MAN2B1: variants seen among roughly 807,000 people sequenced by gnomAD.
MAN2B1 encodes mannosidase alpha class 2B member 1.
Under a neutral mutation model 127.5 loss-of-function variants are expected in MAN2B1, and 99 were observed. The ratio of observed to expected loss-of-function variants is 0.78; its 90% CI spans 0.66 to 0.92. The LOEUF (loss-of-function observed/expected upper bound fraction) is 0.92, where lower values mean the gene tolerates loss of function less well. Among genes scored for constraint, MAN2B1 ranks in the 40% least tolerant of loss-of-function variants. The pLI, the probability that MAN2B1 is intolerant of heterozygous loss-of-function variation, is 0.00. For synonymous variants in MAN2B1, 573 were observed against 568.8 expected (o/e 1.01, Z -0.11); for missense variants, 1,304 against 1,384.8 (o/e 0.94, Z 0.93).
intron 16 of MAN2B1, among the ~76,000 whole-genome samples, chr19:12,650,673 T>C (rs1205040122): frequency 6.7e-6 from 1 of 149,826 alleles, no homozygotes. Flanking sequence ...AATTCTTTTT[T>C]CTTTTTTTTT....
In MAN2B1 at chr19:12,649,188, G is replaced by C. The variant is rs778543070; in HGVS notation, c.2384C>G (p.Thr795Ser). Reference sequence around the variant, plus strand: ...GCTGCTGCCCCCCTGGGAGCGGTCAGTCAGCACAGTCAGCTGCATGTTTCC... The same window carrying C: ...GCTGCTGCCCCCCTGGGAGCGGTCACTCAGCACAGTCAGCTGCATGTTTCC... Reference protein sequence around the residue: ...TDGNMQLTVLTDRSQGGSSLR... With the variant: ...TDGNMQLTVLSDRSQGGSSLR... The change falls in exon 20 of 24, where the codon ACT becomes AGT. Residue 795 changes from threonine to serine, a missense_variant. Thr to Ser is a moderately conservative substitution (Grantham distance 58). Coordinates refer to ENST00000456935, the MANE Select transcript of MAN2B1 (RefSeq NM_000528.4). 2 of 1,613,200 alleles carry C rather than the reference G, an allele frequency of 1.2e-6. No homozygotes were observed. Among genetic ancestry groups the C allele is most frequent in the Non-Finnish European group, 1.7e-6 (2 of 1,180,014 alleles).
intron 4 of MAN2B1, 39 bp from the exon 5 acceptor site, chr19:12,663,874 C>T (rs770117045): frequency 1.9e-6 from 3 of 1,613,564 alleles, no homozygotes; most frequent in South Asian, 2.2e-5. Context: ...GAATTAGTGC[C>T]CAGCCCTCTC....
chr19:12,652,393 A>G lies in MAN2B1; in HGVS notation c.1898T>C (p.Leu633Pro). The G allele has an allele frequency of 2.5e-6, 4 of 1,614,120 alleles. No individual in the cohort carries two copies. In the East Asian group the frequency reaches 8.9e-5, roughly 36 times the overall value. ...LMEIMNMNQQ[L>P]LLPVRQTFFW... ...GAAGGTCTGGCGAACAGGCAGCAGG[A>G]GTTGCTGATTCATGTTCATAATCTC... The change falls in exon 15 of 24, where the codon CTC becomes CCC. Residue 633 changes from leucine to proline, a missense_variant. Physicochemically the swap from Leu to Pro is moderately conservative, Grantham distance 98. Coordinates refer to ENST00000456935, the MANE Select transcript of MAN2B1 (RefSeq NM_000528.4).
rs1229247682 is a variant in MAN2B1 at position 12,647,906 on chromosome 19, G to A, written c.2664+269C>T. 6.6e-6 allele frequency among the ~76,000 whole-genome samples: 1 copy of A among 151,844 alleles called. No homozygotes were observed. The highest frequency in any genetic ancestry group is 1.5e-5 in the Non-Finnish European group (1 of 67,910). On this transcript the variant is annotated intron_variant, in intron 21 of 23. Coordinates refer to ENST00000456935, the MANE Select transcript of MAN2B1 (RefSeq NM_000528.4). The surrounding 1 kb of genome is among the most constrained non-coding windows in gnomAD (Gnocchi z 4.9). ...AGGCAGGACAGAGCCTGGGGGCGGT[G>A]AGAGGGCGGGGCTAAAGTGAAATGG...
At position 12,647,698 on chromosome 19, in the gene MAN2B1, C is replaced by T; in HGVS notation, c.2665-100G>A. On this transcript the variant is annotated intron_variant, in intron 21 of 23. Transcript: ENST00000456935. This position sits in a 1 kb window ranked among gnomAD's most constrained non-coding sequence, Gnocchi z 4.9. ...AGGAGGCAGGGCTAGGTTGTAGGGG[C>T]GGGGTTTCGCCGGAGAGGGGCAAGG... 2.0e-6 allele frequency: 2 copies of T among 979,708 alleles called. No homozygotes were observed. Among genetic ancestry groups the T allele is most frequent in the East Asian group, 5.2e-5 (2 of 38,476 alleles). The allele number at this position is 979,708 out of a possible 1,614,324, so 60.7% of individuals were successfully genotyped here. A position where few individuals can be genotyped will look rare whatever the true frequency, so the allele number is the denominator to read the frequency against.
At chr19:12,652,487 G>C in intron 14 of MAN2B1, 27 bp from the exon 15 acceptor site, 1 of 1,491,198 alleles carries the variant, frequency 6.7e-7, no homozygotes, top group South Asian at 1.1e-5. Context: ...CCACAGATGG[G>C]TTTGTGTGTG....
Position 12,656,511 on chromosome 19 carries a change from T to C in MAN2B1, c.1644+60A>G, listed in dbSNP as rs948673030. ...AAGCAGGCGATATCCATGGGGGCGATGAGGAAATGCCCACTGGGGGAGGAG... is the reference window on the plus strand; with the variant it reads ...AAGCAGGCGATATCCATGGGGGCGACGAGGAAATGCCCACTGGGGGAGGAG... On this transcript the variant is annotated intron_variant, in intron 13 of 23. Transcript: ENST00000456935. 1.6e-5 allele frequency: 19 copies of C among 1,195,612 alleles called. No homozygotes were observed. In the African/African-American group the frequency reaches 2.6e-4, roughly 16 times the overall value. The allele number at this position is 1,195,612 out of a possible 1,614,324, so 74.1% of individuals were successfully genotyped here.
Position 12,656,315 on chromosome 19 carries a change from C to G in MAN2B1, c.1644+256G>C, listed in dbSNP as rs547304499. On this transcript the variant is annotated intron_variant, in intron 13 of 23. Transcript: ENST00000456935. ...GAGTTTGAAGTGAGCCAAGATCGCG[C>G]CACTGCACTCCAGCCTGGGTGACAG... The G allele has an allele frequency of 3.1e-4, 160 of 513,058 alleles. 1 individual carries two copies. In the South Asian group the frequency reaches 3.5e-3, roughly 11 times the overall value. 31.8% of individuals were successfully genotyped at this position (513,058 alleles called of 1,614,324 possible).
Position 12,666,638 on chromosome 19 carries a change from A to G in MAN2B1, c.64T>C (p.Trp22Arg), listed in dbSNP as rs1329492928. Residue 22 changes from tryptophan (W) to arginine (R), a missense_variant, in exon 1 of 24, where the codon TGG becomes CGG. By Grantham distance (101) the Trp-to-Arg change is moderately radical (BLOSUM62 -3). Transcript: ENST00000456935. ...ARGCLDSAGP[W>R]TMSRALRPPL... ...GGCCGCAGGGCGCGGGACATGGTCC[A>G]GGGGCCTGCTGAGTCCAGGCAGCCG... 9 of 1,554,474 alleles carry G rather than the reference A, an allele frequency of 5.8e-6. No individual in the cohort carries two copies. The highest frequency in any genetic ancestry group is 4.1e-5 in the African/African-American group (3 of 73,336).
rs1168857464 is a variant in MAN2B1, at chr19:12,660,752, ATT to A, written c.1026+506_1026+507del. On this transcript the variant is annotated intron_variant, in intron 7 of 23. Transcript: ENST00000456935. The stretch of plus-strand genomic sequence containing the variant: ...TATAGCCTGGTGAGACTCAGGCTGG[ATT>A]TTTTTTTTTTTTTTTTTTTTTTGAG... 902 of 102,128 alleles carry A rather than the reference ATT, an allele frequency of 8.8e-3. 3 individuals are homozygous for A. Among genetic ancestry groups the A allele is most frequent in the African/African-American group, 0.035 (720 of 20,342 alleles). The allele number at this position is 102,128 out of a possible 1,614,324, so 6.3% of individuals were successfully genotyped here.
chr19:12,665,233 G>T, intron 3 of MAN2B1, 119 bp downstream of exon 3: 1 of 1,303,170 alleles, frequency 7.7e-7, no homozygotes, highest in Non-Finnish European at 1.1e-6. Context: ...AGTCCAGGCA[G>T]GCGGAGCGAC....
At position 12,648,181 on chromosome 19, in the gene MAN2B1, G is replaced by A. The variant is rs556554403; in HGVS notation, c.2658C>T (p.Arg886=). The A allele has an allele frequency of 2.6e-6, 4 of 1,537,458 alleles. No individual in the cohort carries two copies. The highest frequency in any genetic ancestry group is 3.5e-6 in the Non-Finnish European group (4 of 1,147,446). The change falls in exon 21 of 24, where the codon CGC becomes CGT. Residue 886 remains arginine, a synonymous_variant. Transcript: ENST00000456935. ...GAAYNLGAPP[R]TQFSGLRRDL... ...CTACCCCGCTGCCCCTCACCTGCGTGCGCGGAGGAGCCCCGAGATTGTAGG... is the reference window on the plus strand; with the variant it reads ...CTACCCCGCTGCCCCTCACCTGCGTACGCGGAGGAGCCCCGAGATTGTAGG...
chr19:12,665,502 C>A lies in MAN2B1; in HGVS notation c.286G>T (p.Gly96Cys). Reference sequence around the variant, plus strand: ...ACCGAGTCCAGGATGTACTGCACACCGGCGTGCTGGATGTCATTCTTGACT... The same window carrying A: ...ACCGAGTCCAGGATGTACTGCACACAGGCGTGCTGGATGTCATTCTTGACT... Reference protein sequence around the residue: ...YGIKNDIQHAGVQYILDSVIS... With the variant: ...YGIKNDIQHACVQYILDSVIS... The change falls in exon 3 of 24, where the codon GGT (glycine) becomes TGT (cysteine). Residue 96 changes from glycine (G) to cysteine (C), a missense_variant. Physicochemically the swap from Gly to Cys is radical, Grantham distance 159. Transcript: ENST00000456935. 6.2e-7 allele frequency: 1 copy of A among 1,614,154 alleles called. No individual in the cohort carries two copies. Among genetic ancestry groups the A allele is most frequent in the Non-Finnish European group, 8.5e-7 (1 of 1,180,034 alleles).
At position 12,661,319 on chromosome 19, in the gene MAN2B1, C is replaced by T. The variant is rs781147241; in HGVS notation, c.967G>A (p.Glu323Lys). 6.2e-7 allele frequency: 1 copy of T among 1,614,078 alleles called. No homozygotes were observed. Among genetic ancestry groups the T allele is most frequent in the Non-Finnish European group, 8.5e-7 (1 of 1,179,940 alleles). ...VMTMGSDFQY[E>K]NANMWFKNLD... The stretch of plus-strand genomic sequence containing the variant: ...TTCTTGAACCACATGTTGGCATTCT[C>T]ATATTGGAAGTCCGAGCCCATGGTC... The change falls in exon 7 of 24, where the codon GAG becomes AAG. Residue 323 changes from glutamate (E) to lysine (K), a missense_variant. Transcript: ENST00000456935.
chr19:12,665,150 T>G, intron 3 of MAN2B1, 165 bp from the exon 4 acceptor site: 1 of 1,021,374 alleles, frequency 9.8e-7, no homozygotes, highest in South Asian at 1.3e-5. Context: ...AGAGGCCCCC[T>G]GCATGGCAGG....
At position 12,654,046 on chromosome 19, in the gene MAN2B1, C is replaced by CT. The variant is rs869287950; in HGVS notation, c.1831-1587dup. The stretch of plus-strand genomic sequence containing the variant: ...GCCTTTTCTTTTTTTCTTTTTTTTT[C>CT]TTTTTTTTTTTTTTGAGACGGAGTC... On this transcript the variant is annotated intron_variant, in intron 14 of 23. Coordinates refer to ENST00000456935, the MANE Select transcript of MAN2B1 (RefSeq NM_000528.4). 5.4e-3 allele frequency among the ~76,000 whole-genome samples: 726 copies of CT among 135,076 alleles called. 5 individuals carry two copies. The highest frequency in any genetic ancestry group is 0.011 in the African/African-American group (400 of 36,780). The allele number at this position is 135,076 out of a possible 152,430, so 88.6% of individuals were successfully genotyped here.
Position 12,648,276 on chromosome 19 carries a change from C to G in MAN2B1, c.2563G>C (p.Gly855Arg), listed in dbSNP as rs1275770272. The G allele has an allele frequency of 3.0e-5, 48 of 1,609,456 alleles. No homozygotes were observed. Among genetic ancestry groups the G allele is most frequent in the Non-Finnish European group, 4.0e-5 (47 of 1,178,904 alleles). Residue 855 changes from glycine to arginine, a missense_variant, in exon 21 of 24, where the codon GGA (glycine) becomes CGA (arginine). Coordinates refer to ENST00000456935, the MANE Select transcript of MAN2B1 (RefSeq NM_000528.4). ...LLDTAQAAAA[G>R]HRLLAEQEVL... ...TCCTGCTCCGCCAGGAGCCGGTGTC[C>G]GGCGGCTGCAGCCTGGGCTGTGTCC... is the stretch of plus-strand genomic sequence containing the variant.
intron 11 of MAN2B1, 121 bp from the exon 12 acceptor site, chr19:12,657,177 C>T (rs773327823): frequency 1.9e-5 from 14 of 735,484 alleles, no homozygotes; most frequent in Admixed American, 1.4e-4. Flanking sequence ...CCCCAAAACC[C>T]CTTCTAGCCC....
rs2024205685 is a variant in MAN2B1 at position 12,665,361 on chromosome 19, CA to C, written c.426del (p.Val143CysfsTer14). On this transcript the variant is annotated frameshift_variant, in exon 3 of 24. Transcript: ENST00000456935. LOFTEE classifies it high-confidence loss of function. The part of the protein sequence containing the change: ...TNATQEVVRD[L>X]VRQGRLEFAN... ...CTTGGGGTAGGCTCACCCTGGCGCA[CA>C]AGGTCTCGCACGACTTCCTGTGTGG... 2 of 1,606,300 alleles carry C rather than the reference CA, an allele frequency of 1.2e-6. No individual in the cohort carries two copies. The highest frequency in any genetic ancestry group is 3.3e-5 in the Admixed American group (2 of 60,004).
Sources: gnomAD v4.1 joint callset for allele counts (sites outside exome capture counted in the v4.1 genomes callset) on GRCh38, gnomAD v4.1.1 for gene constraint, Gnocchi (gnomAD v3.1) non-coding constraint, MANE v1.5 for transcripts, NCBI Gene and HGNC (gene_info 2026-07-23, HGNC 2026-07-21) for gene names.